Variants in GRHPR observed in about 807,000 individuals in gnomAD.
The protein encoded by GRHPR is glyoxylate reductase/hydroxypyruvate reductase.
GRHPR carries 35 observed loss-of-function variants against 36.8 expected under a neutral mutation model. The ratio of observed to expected loss-of-function variants is 0.95; its 90% CI spans 0.73 to 1.26. The LOEUF is 1.26. GRHPR is among the 50% of genes most tolerant of loss of function. The pLI is 0.00. For missense variants in GRHPR, 380 were observed against 435.0 expected, an observed-to-expected ratio of 0.87 and a Z score of 1.12; for synonymous variants, 179 against 181.0, an observed-to-expected ratio of 0.99 and a Z score of 0.09.
At chr9:37,433,629 G>A (rs1242909449) in intron 8 of GRHPR, among the ~76,000 whole-genome samples, 1 of 152,150 alleles carries the variant, frequency 6.6e-6, no homozygotes, top group East Asian at 1.9e-4. Context: ...GCAGGTCTGG[G>A]GTGGGGTCTG....
intron 3 of GRHPR, 118 bp from the exon 4 acceptor site, chr9:37,426,420 T>A (rs1823078278): frequency 1.2e-6 from 1 of 801,258 alleles, no homozygotes; most frequent in African/African-American, 1.7e-5. Flanking sequence ...TTTATAGTTC[T>A]GAGCTTCCTG....
chr9:37,432,240 G>A, intron 8 of GRHPR, 102 bp downstream of exon 8: 1 of 1,157,754 alleles, frequency 8.6e-7, no homozygotes, highest in Non-Finnish European at 1.3e-6. Flanking sequence ...GTGAGCAGGT[G>A]TTGAACCCAA....
intron 3 of GRHPR, 28 bp downstream of exon 3, chr9:37,426,022 G>A (rs754516050): frequency 4.9e-5 from 73 of 1,496,234 alleles, no homozygotes; most frequent in Non-Finnish European, 6.7e-5. Flanking sequence ...TCTGGAGGGG[G>A]CCTAGAGAGA....
chr9:37,423,660 G>T (rs142613694), intron 1 of GRHPR, among the ~76,000 whole-genome samples: 73 of 151,848 alleles, frequency 4.8e-4, no homozygotes, highest in African/African-American at 1.5e-3. Context: ...TTTTTTCAAA[G>T]ACGAGGGTCT....
At chr9:37,426,687 C>A in intron 4 of GRHPR, 33 bp downstream of exon 4, 3 of 1,247,478 alleles carry the variant, frequency 2.4e-6, no homozygotes, top group Non-Finnish European at 3.5e-6. Context: ...CGGTGGCTCA[C>A]GGCTGTAATC....
chr9:37,426,880 G>A (rs998871720), intron 4 of GRHPR, among the ~76,000 whole-genome samples: 2 of 151,888 alleles, frequency 1.3e-5, no homozygotes, highest in East Asian at 3.9e-4. Flanking sequence ...GAACCCAGGA[G>A]ACAGAGGTTG....
At chr9:37,429,686 A>C (rs1823263651) in intron 5 of GRHPR, 46 bp from the exon 6 acceptor site, 2 of 1,244,088 alleles carry the variant, frequency 1.6e-6, no homozygotes, top group Non-Finnish European at 2.4e-6. Flanking sequence ...TGGTGTCCCT[A>C]CCCTTTGCGG....
At chr9:37,433,812 C>CT in intron 8 of GRHPR, 1 of 370,720 alleles carries the variant, frequency 2.7e-6, no homozygotes. Context: ...TGCCTCCAGA[C>CT]TAAGAGTGAT....
chr9:37,428,997 C>G, intron 5 of GRHPR: 1 of 342,020 alleles, frequency 2.9e-6, no homozygotes, highest in Admixed American at 3.9e-5. Flanking sequence ...ATCTGCAGTT[C>G]TGCAGATGAG....
rs751940452 is a variant in GRHPR, at chr9:37,422,811, G to A, written c.61G>A (p.Val21Ile). Residue 21 changes from valine (V) to isoleucine (I), a missense_variant, in exon 1 of 9, where the codon GTC becomes ATC. Val to Ile is a conservative substitution (Grantham distance 29, BLOSUM62 3). Coordinates refer to ENST00000318158, the MANE Select transcript of GRHPR (RefSeq NM_012203.2). The stretch of plus-strand genomic sequence containing the variant: ...CCGCAGGATACCCGCCGAGGGTAGG[G>A]TCGCGCTCGCCCGGGCGGCAGAGTA... Reference protein sequence around the residue: ...VTRRIPAEGRVALARAADCEV... With the variant: ...VTRRIPAEGRIALARAADCEV... 9.4e-6 allele frequency: 15 copies of A among 1,601,538 alleles called. No homozygotes were observed. Among genetic ancestry groups the A allele is most frequent in the Admixed American group, 3.4e-5 (2 of 58,994 alleles).
At chr9:37,428,176 C>T in intron 4 of GRHPR, 1 of 504,388 alleles carries the variant, frequency 2.0e-6, no homozygotes, top group Middle Eastern at 5.5e-4. Context: ...CTGTTGCTCT[C>T]AACTCTTCCC....
In GRHPR at chr9:37,424,875, G is replaced by C; in HGVS notation, c.114G>C (p.Glu38Asp). 1 of 1,613,542 alleles carries C rather than the reference G, an allele frequency of 6.2e-7. No individual in the cohort carries two copies. The highest frequency in any genetic ancestry group is 8.5e-7 in the Non-Finnish European group (1 of 1,179,902). ...AGGTGGAGCAGTGGGACTCGGATGAGCCCATCCCTGCCAAGGAGCTAGAGC... is the reference window on the plus strand; with the variant it reads ...AGGTGGAGCAGTGGGACTCGGATGACCCCATCCCTGCCAAGGAGCTAGAGC... ...DCEVEQWDSD[E>D]PIPAKELERG... The change falls in exon 2 of 9, where the codon GAG (glutamate) becomes GAC (aspartate). Residue 38 changes from glutamate to aspartate, a missense_variant. By Grantham distance (45) the Glu-to-Asp change is conservative. Coordinates refer to ENST00000318158, the MANE Select transcript of GRHPR (RefSeq NM_012203.2).
intron 1 of GRHPR, among the ~76,000 whole-genome samples, 182 bp from the exon 2 acceptor site, chr9:37,424,663 C>A (rs1229910927): frequency 1.3e-5 from 2 of 152,242 alleles, no homozygotes; most frequent in Non-Finnish European, 2.9e-5. Flanking sequence ...GCCCCTCAGC[C>A]CTTCACCTGT....
At chr9:37,428,329 C>A in intron 4 of GRHPR, 155 bp from the exon 5 acceptor site, 425 of 578,238 alleles carry the variant, frequency 7.3e-4, no homozygotes, top group East Asian at 9.8e-4. Context: ...TGCTGCTCAT[C>A]TGCAGTGCCG....
At chr9:37,436,399 T>G (rs1823649097) in intron 8 of GRHPR, among the ~76,000 whole-genome samples, 1 of 152,212 alleles carries the variant, frequency 6.6e-6, no homozygotes, top group Non-Finnish European at 1.5e-5. Flanking sequence ...CATGAGCCAC[T>G]GCGCCCAGCC....
At chr9:37,429,510 G>C in intron 5 of GRHPR, 2 of 611,506 alleles carry the variant, frequency 3.3e-6, no homozygotes, top group Non-Finnish European at 6.0e-6. Context: ...CCTCAGGGGA[G>C]CTGAGGTGCT....
chr9:37,430,959 A>C, intron 7 of GRHPR: 5 of 507,612 alleles, frequency 9.9e-6, no homozygotes, highest in Non-Finnish European at 1.6e-5. Flanking sequence ...CTCCACCACA[A>C]AGGGCTGGAC....
Position 37,423,793 on chromosome 9 carries a change from C to G in GRHPR, c.83+960C>G, listed in dbSNP as rs146465443. ...CTGGCCCACCCTTGCTAAATGGAACCCTTTTTGTGGGCCAACCTTGCCAGG... is the reference window on the plus strand; with the variant it reads ...CTGGCCCACCCTTGCTAAATGGAACGCTTTTTGTGGGCCAACCTTGCCAGG... On this transcript the variant is annotated intron_variant, in intron 1 of 8. Transcript: ENST00000318158. Among the ~76,000 whole-genome samples, 142 of 152,298 alleles carry G rather than the reference C, an allele frequency of 9.3e-4. 1 individual carries two copies. The highest frequency in any genetic ancestry group is 2.4e-3 in the Admixed American group (36 of 15,300).
At chr9:37,431,271 A>G (rs557659151) in intron 7 of GRHPR, 19 of 336,692 alleles carry the variant, frequency 5.6e-5, no homozygotes, top group African/African-American at 4.1e-4. Context: ...GTCCACCCCA[A>G]AGGTACCTGT....
Sources: gnomAD v4.1 joint callset for allele counts (sites outside exome capture counted in the v4.1 genomes callset) on GRCh38, gnomAD v4.1.1 for gene constraint, MANE v1.5 for transcripts, NCBI Gene and HGNC (gene_info 2026-07-23, HGNC 2026-07-21) for gene names.